Variants in TRMT61A observed in about 807,000 individuals in gnomAD.
TRMT61A encodes tRNA (adenine(58)-N(1))-methyltransferase catalytic subunit TRMT61A.
A neutral mutation model predicts 21.3 loss-of-function variants in TRMT61A; 15 were observed. That is an observed-to-expected ratio of 0.70 (90% CI 0.47 to 1.08). The LOEUF is 1.08. Among genes scored for constraint, TRMT61A ranks in the 50% least tolerant of loss-of-function variants. The pLI is 0.00. For synonymous variants in TRMT61A, 183 were observed against 185.5 expected (o/e 0.99, Z 0.11); for missense variants, 352 against 426.7 (o/e 0.83, Z 1.54).
At position 103,535,498 on chromosome 14, in the gene TRMT61A, A is replaced by G. The variant is rs151099401; in HGVS notation, c.*677A>G. 2.0e-4 allele frequency: 75 copies of G among 377,116 alleles called. No homozygotes were observed. Among genetic ancestry groups the G allele is most frequent in the Middle Eastern group, 8.3e-4 (2 of 2,406 alleles). The allele number at this position is 377,116 out of a possible 1,614,324, so 23.4% of individuals were successfully genotyped here. A position where few individuals can be genotyped will look rare whatever the true frequency, so the allele number is the denominator to read the frequency against. On this transcript the variant is annotated 3_prime_UTR_variant, in exon 4 of 4. Transcript: ENST00000389749. ...CCCCCACCCAGCCAGAGCCCCTGAC[A>G]TGGGCTGCACTCGCTGAGGCCAGGC...
At chr14:103,533,276 G>A (rs1242426706) in intron 3 of TRMT61A, among the ~76,000 whole-genome samples, 1 of 152,226 alleles carries the variant, frequency 6.6e-6, no homozygotes, top group African/African-American at 2.4e-5. Flanking sequence ...CTCAAGCCAG[G>A]GAGGTGGCTG....
In TRMT61A at chr14:103,530,230, G is replaced by A. The variant is rs574918429; in HGVS notation, c.252G>A (p.Thr84=). The A allele has an allele frequency of 2.5e-6, 4 of 1,611,582 alleles. No homozygotes were observed. Among genetic ancestry groups the A allele is most frequent in the South Asian group, 2.2e-5 (2 of 91,056 alleles). Residue 84 remains threonine, a synonymous_variant, in exon 2 of 4, where the codon ACG becomes ACA. Transcript: ENST00000389749. ...ELWTLNLPHR[T]QILYSTDIAL... ...GGACGCTGAACCTGCCGCACCGCAC[G>A]CAGATCCTCTACTCCACAGACATCG...
At position 103,532,864 on chromosome 14, in the gene TRMT61A, C is replaced by T. The variant is rs772236577; in HGVS notation, c.598+16C>T. 5.4e-5 allele frequency: 64 copies of T among 1,187,778 alleles called. No individual in the cohort carries two copies. The highest frequency in any genetic ancestry group is 1.2e-4 in the African/African-American group (8 of 65,202). The allele number at this position is 1,187,778 out of a possible 1,614,324, so 73.6% of individuals were successfully genotyped here. The stretch of plus-strand genomic sequence containing the variant: ...AAGGTCGAAGGTGCATCCGGGGTTC[C>T]GGGAGAGGTACAGCCTGGGTGGGGG... On this transcript the variant is annotated intron_variant, in intron 3 of 3. Transcript: ENST00000389749.
chr14:103,530,703 C>T (rs2075951392), intron 2 of TRMT61A, among the ~76,000 whole-genome samples: 1 of 152,222 alleles, frequency 6.6e-6, no homozygotes, highest in Admixed American at 6.5e-5. Context: ...CCCCGAGGAG[C>T]TCACTGTAGG....
rs776868185 is a variant in TRMT61A, at chr14:103,534,762, A to G, written c.811A>G (p.Met271Val). ...DTSPFRSGTP[M>V]KEAVGHTGYL... ...CAGCCCCTTCCGCAGCGGCACGCCC[A>G]TGAAGGAGGCCGTGGGCCACACCGG... The change falls in exon 4 of 4, where the codon ATG (methionine) becomes GTG (valine). Residue 271 changes from methionine to valine, a missense_variant. Met to Val is a conservative substitution (Grantham distance 21). Coordinates refer to ENST00000389749, the MANE Select transcript of TRMT61A (RefSeq NM_152307.3). The G allele has an allele frequency of 1.3e-6, 2 of 1,583,298 alleles. No homozygotes were observed. Among genetic ancestry groups the G allele is most frequent in the African/African-American group, 1.3e-5 (1 of 74,518 alleles).
In TRMT61A at chr14:103,534,885, G is replaced by A. The variant is rs1313680823; in HGVS notation, c.*64G>A. 1.3e-6 allele frequency: 2 copies of A among 1,521,912 alleles called. No individual in the cohort carries two copies. The highest frequency in any genetic ancestry group is 2.4e-5 in the South Asian group (2 of 83,040). The allele number at this position is 1,521,912 out of a possible 1,614,324, so 94.3% of individuals were successfully genotyped here. ...GAAGGGCTGGGCAGGGAGGCCAGAGGCACCTTATATGGTCAGCGATGCCTG... is the reference window on the plus strand; with the variant it reads ...GAAGGGCTGGGCAGGGAGGCCAGAGACACCTTATATGGTCAGCGATGCCTG... On this transcript the variant is annotated 3_prime_UTR_variant, in exon 4 of 4. Transcript: ENST00000389749.
intron 3 of TRMT61A, among the ~76,000 whole-genome samples, chr14:103,533,590 C>T (rs964649900): frequency 1.3e-5 from 2 of 152,150 alleles, no homozygotes; most frequent in Non-Finnish European, 2.9e-5. Context: ...TGGGCCTGGA[C>T]CATAGTCCCA....
chr14:103,530,640 G>A (rs927975558), intron 2 of TRMT61A, among the ~76,000 whole-genome samples: 3 of 152,164 alleles, frequency 2.0e-5, no homozygotes, highest in African/African-American at 7.2e-5. Context: ...CTAGTCCTCC[G>A]TGCTGATGGT....
intron 1 of TRMT61A, among the ~76,000 whole-genome samples, chr14:103,529,561 C>T (rs1273351578): frequency 1.3e-5 from 2 of 152,234 alleles, no homozygotes; most frequent in Non-Finnish European, 1.5e-5. Flanking sequence ...TTTGCCTCTC[C>T]CCCGCCGGTG....
chr14:103,531,107 C>T lies in TRMT61A; in HGVS notation c.331+798C>T, dbSNP rs1012606946. 1.3e-5 allele frequency among the ~76,000 whole-genome samples: 2 copies of T among 152,186 alleles called. No individual in the cohort carries two copies. Among genetic ancestry groups the T allele is most frequent in the Non-Finnish European group, 2.9e-5 (2 of 68,010 alleles). The stretch of plus-strand genomic sequence containing the variant: ...TGCTGGCCTCTCCGCCCCTGCCCCA[C>T]TCTCGCGAGAGAGCTCAATCAAGCA... On this transcript the variant is annotated intron_variant, in intron 2 of 3. Coordinates refer to ENST00000389749, the MANE Select transcript of TRMT61A (RefSeq NM_152307.3). This position sits in a 1 kb window ranked among gnomAD's most constrained non-coding sequence, Gnocchi z 5.1.
chr14:103,534,692 G>A lies in TRMT61A; in HGVS notation c.741G>A (p.Pro247=), dbSNP rs373078563. 5.6e-5 allele frequency: 90 copies of A among 1,608,458 alleles called. No individual in the cohort carries two copies. The highest frequency in any genetic ancestry group is 2.9e-4 in the African/African-American group (22 of 74,924). ...ACGTGCGCACTGTCAGCCTGCCACCGCCCGACCTGGGCACAGGCACAGATG... is the reference window on the plus strand; with the variant it reads ...ACGTGCGCACTGTCAGCCTGCCACCACCCGACCTGGGCACAGGCACAGATG... ...VYNVRTVSLP[P]PDLGTGTDGP... The change falls in exon 4 of 4, where the codon CCG becomes CCA. Residue 247 remains proline, a synonymous_variant. Transcript: ENST00000389749.
At position 103,535,414 on chromosome 14, in the gene TRMT61A, T is replaced by C. The variant is rs1317521661; in HGVS notation, c.*593T>C. On this transcript the variant is annotated 3_prime_UTR_variant, in exon 4 of 4. Coordinates refer to ENST00000389749, the MANE Select transcript of TRMT61A (RefSeq NM_152307.3). ...CCCTGCTCTCTGGCCTCCTGGCTGA[T>C]GTCACAGCACTGAGCTCAGCCCAGG... 6 of 451,364 alleles carry C rather than the reference T, an allele frequency of 1.3e-5. No individual in the cohort carries two copies. The highest frequency in any genetic ancestry group is 2.7e-5 in the Non-Finnish European group (6 of 224,608). 28.0% of individuals were successfully genotyped at this position (451,364 alleles called of 1,614,324 possible).
In TRMT61A at chr14:103,530,149, G is replaced by T; in HGVS notation, c.171G>T (p.Lys57Asn). Residue 57 changes from lysine (K) to asparagine (N), a missense_variant, in exon 2 of 4, where the codon AAG (lysine) becomes AAT (asparagine). Physicochemically the swap from Lys to Asn is moderately conservative, Grantham distance 94. Transcript: ENST00000389749. Reference protein sequence around the residue: ...VDLIGRPFGSKVTCGRGGWVY... With the variant: ...VDLIGRPFGSNVTCGRGGWVY... ...TTATCGGCCGCCCCTTCGGCTCCAA[G>T]GTGACGTGCGGCCGAGGTGGCTGGG... is the stretch of plus-strand genomic sequence containing the variant. 15 of 1,612,834 alleles carry T rather than the reference G, an allele frequency of 9.3e-6. No homozygotes were observed. The highest frequency in any genetic ancestry group is 1.3e-5 in the Non-Finnish European group (15 of 1,179,994).
chr14:103,532,481 C>T, intron 2 of TRMT61A, 101 bp from the exon 3 acceptor site: 1 of 1,447,706 alleles, frequency 6.9e-7, no homozygotes, highest in East Asian at 2.3e-5. Flanking sequence ...CTCCCAAGCC[C>T]TGTGTGGGTC....
At position 103,534,662 on chromosome 14, in the gene TRMT61A, C is replaced by G. The variant is rs1208559427; in HGVS notation, c.711C>G (p.Val237=). ...GCACCCTGGAGGTGCTGCCACAGGTCTACAACGTGCGCACTGTCAGCCTGC... is the reference window on the plus strand; with the variant it reads ...GCACCCTGGAGGTGCTGCCACAGGTGTACAACGTGCGCACTGTCAGCCTGC... ...ELSTLEVLPQ[V]YNVRTVSLPP... The change falls in exon 4 of 4, where the codon GTC becomes GTG. Residue 237 remains valine (V), a synonymous_variant. Coordinates refer to ENST00000389749, the MANE Select transcript of TRMT61A (RefSeq NM_152307.3). The G allele has an allele frequency of 8.7e-6, 14 of 1,610,984 alleles. No homozygotes were observed. The highest frequency in any genetic ancestry group is 1.2e-5 in the Non-Finnish European group (14 of 1,179,712).
rs2075954867 is a variant in TRMT61A, at chr14:103,531,697, G to C, written c.332-885G>C. Among the ~76,000 whole-genome samples, 1 of 152,152 alleles carries C rather than the reference G, an allele frequency of 6.6e-6. No homozygotes were observed. Among genetic ancestry groups the C allele is most frequent in the Admixed American group, 6.5e-5 (1 of 15,282 alleles). ...CAGGACGTGGGACGGGATAGAGGGA[G>C]TGGAGGCACCTCCATGGGTCTGGCC... On this transcript the variant is annotated intron_variant, in intron 2 of 3. Coordinates refer to ENST00000389749, the MANE Select transcript of TRMT61A (RefSeq NM_152307.3). This position sits in a 1 kb window ranked among gnomAD's most constrained non-coding sequence, Gnocchi z 5.1.
At chr14:103,533,105 C>T (rs976904752) in intron 3 of TRMT61A, among the ~76,000 whole-genome samples, 1 of 152,230 alleles carries the variant, frequency 6.6e-6, no homozygotes, top group African/African-American at 2.4e-5. Flanking sequence ...AAGGTGGCAG[C>T]GCCACCCAAG....
chr14:103,530,363 G>T, intron 2 of TRMT61A, 54 bp downstream of exon 2: 1 of 1,486,780 alleles, frequency 6.7e-7, no homozygotes. Flanking sequence ...AAAGGTGGAG[G>T]TCAGAGCCTC....
rs887886946 is a variant in TRMT61A at position 103,536,449 on chromosome 14, G to C, written c.*1628G>C. On this transcript the variant is annotated 3_prime_UTR_variant, in exon 4 of 4. Transcript: ENST00000389749. ...AGAGTTGCTCAGCCCTGCTCCGAGGGCTTGTCCTCTCCTTCCAGGACCCAG... is the reference window on the plus strand; with the variant it reads ...AGAGTTGCTCAGCCCTGCTCCGAGGCCTTGTCCTCTCCTTCCAGGACCCAG... 3.9e-5 allele frequency: 6 copies of C among 152,280 alleles called. No homozygotes were observed. Among genetic ancestry groups the C allele is most frequent in the Admixed American group, 6.5e-5 (1 of 15,284 alleles). The allele number at this position is 152,280 out of a possible 1,614,324, so 9.4% of individuals were successfully genotyped here.
Sources: allele counts gnomAD v4.1 joint callset (sites outside exome capture counted in the v4.1 genomes callset), GRCh38; gene constraint gnomAD v4.1.1; non-coding constraint Gnocchi (gnomAD v3.1); transcripts MANE v1.5; gene names NCBI Gene and HGNC (gene_info 2026-07-23, HGNC 2026-07-21).